The following IGLON5 variants were observed in gnomAD, a reference collection of about 807,000 sequenced individuals.
The protein encoded by IGLON5 is IgLON family member 5.
IGLON5 carries 16 observed loss-of-function variants against 38.2 expected under a neutral mutation model. The observed-to-expected ratio is 0.42, with a 90% CI of 0.28 to 0.64. The LOEUF (loss-of-function observed/expected upper bound fraction) is 0.64. Ranked by LOEUF, IGLON5 falls within the 30% of genes least tolerant of loss-of-function variation. The pLI, the probability that IGLON5 is intolerant of heterozygous loss-of-function variation, is 0.23. For missense variants in IGLON5, 366 were observed against 483.4 expected (o/e 0.76, Z 2.28); for synonymous variants, 207 against 216.4 (o/e 0.96, Z 0.38).
chr19:51,311,883 T>A lies in IGLON5; in HGVS notation c.36T>A (p.Leu12=). ...PPPAPGARLR[L]LAAAALAGLA... ...CTGCGCCCGGGGCCCGGCTCCGGCTTCTCGCCGCCGCCGCCCTGGCCGGCT... is the reference window on the plus strand; with the variant it reads ...CTGCGCCCGGGGCCCGGCTCCGGCTACTCGCCGCCGCCGCCCTGGCCGGCT... Residue 12 remains leucine, a synonymous_variant, in exon 1 of 8, where the codon CTT becomes CTA. Coordinates refer to ENST00000270642, the MANE Select transcript of IGLON5 (RefSeq NM_001101372.3). The A allele has an allele frequency of 1.5e-6, 2 of 1,355,664 alleles. No homozygotes were observed. The highest frequency in any genetic ancestry group is 1.9e-6 in the Non-Finnish European group (2 of 1,049,886). The allele number at this position is 1,355,664 out of a possible 1,614,324, so 84.0% of individuals were successfully genotyped here. A position where few individuals can be genotyped will look rare whatever the true frequency, so the allele number is the denominator to read the frequency against.
rs1054097112 is a variant in IGLON5 at position 51,329,723 on chromosome 19, G to A, written c.*964G>A. The A allele has an allele frequency of 1.3e-5, 2 of 152,304 alleles. No homozygotes were observed. Among genetic ancestry groups the A allele is most frequent in the African/African-American group, 4.8e-5 (2 of 41,394 alleles). 9.4% of individuals were successfully genotyped at this position (152,304 alleles called of 1,614,324 possible). The stretch of plus-strand genomic sequence containing the variant: ...GCAGCTGGCCCACAGGTGTGAGCTT[G>A]CTGGTCTATCACTTCCTGGCCTCTC... On this transcript the variant is annotated 3_prime_UTR_variant, in exon 8 of 8. Transcript: ENST00000270642. This position sits in a 1 kb window ranked among gnomAD's most constrained non-coding sequence, Gnocchi z 4.3.
At chr19:51,315,922 C>A (rs1984910243) in intron 1 of IGLON5, among the ~76,000 whole-genome samples, 1 of 151,988 alleles carries the variant, frequency 6.6e-6, no homozygotes, top group Non-Finnish European at 1.5e-5. Flanking sequence ...TCTCGATCTC[C>A]TGACCTCATG....
intron 1 of IGLON5, among the ~76,000 whole-genome samples, chr19:51,316,337 C>T (rs1355583479): frequency 2.1e-5 from 3 of 142,978 alleles, no homozygotes; most frequent in Non-Finnish European, 4.5e-5. Context: ...ACAGTGGTAC[C>T]CTGTCTCAAA....
At chr19:51,318,639 G>A (rs1984980719) in intron 1 of IGLON5, among the ~76,000 whole-genome samples, 1 of 152,186 alleles carries the variant, frequency 6.6e-6, no homozygotes, top group African/African-American at 2.4e-5. Context: ...GGAGGCTGAG[G>A]TGGGAGGATT....
chr19:51,315,592 T>C (rs11673679), intron 1 of IGLON5, among the ~76,000 whole-genome samples: 49,502 of 151,088 alleles, frequency 0.33, 9,984 homozygotes, highest in South Asian at 0.52. Flanking sequence ...GTAAAGAAGA[T>C]AAAAGTGACT....
intron 7 of IGLON5, 130 bp downstream of exon 7, chr19:51,328,016 A>G: frequency 1.0e-6 from 1 of 985,574 alleles, no homozygotes; most frequent in African/African-American, 1.7e-5. Flanking sequence ...ACTGAAAAGC[A>G]ATGCGAGTAA....
Position 51,325,199 on chromosome 19 carries a change from G to A in IGLON5, c.392-147G>A. The A allele has an allele frequency of 8.8e-7, 1 of 1,133,300 alleles. No individual in the cohort carries two copies. The highest frequency in any genetic ancestry group is 2.2e-5 in the Admixed American group (1 of 45,180). The allele number at this position is 1,133,300 out of a possible 1,614,324, so 70.2% of individuals were successfully genotyped here. A position where few individuals can be genotyped will look rare whatever the true frequency, so the allele number is the denominator to read the frequency against. On this transcript the variant is annotated intron_variant, in intron 3 of 7. Coordinates refer to ENST00000270642, the MANE Select transcript of IGLON5 (RefSeq NM_001101372.3). The surrounding 1 kb of genome is among the most constrained non-coding windows in gnomAD (Gnocchi z 5.5). ...AGGAACTGCGGGTCTGAACTCCCGG[G>A]TCTGAGGGAGGAGGGGCTGGGGGTC... is the stretch of plus-strand genomic sequence containing the variant.
chr19:51,319,845 G>A (rs922442847), intron 1 of IGLON5, among the ~76,000 whole-genome samples: 1 of 151,922 alleles, frequency 6.6e-6, no homozygotes, highest in Admixed American at 6.5e-5. Context: ...GAGAGGGTGG[G>A]ACTGTCTCCT....
rs991993612 is a variant in IGLON5, at chr19:51,326,918, G to A, written c.646+20G>A. On this transcript the variant is annotated intron_variant, in intron 5 of 7. Transcript: ENST00000270642. ...TCAACTGTGAGCCCCCCTGGCACTG[G>A]GCACGAAAGGGTGGCGGACCCCCGA... The A allele has an allele frequency of 1.9e-6, 3 of 1,570,678 alleles. No individual in the cohort carries two copies. Among genetic ancestry groups the A allele is most frequent in the South Asian group, 1.2e-5 (1 of 85,842 alleles).
At chr19:51,326,653 T>A in intron 4 of IGLON5, 111 bp from the exon 5 acceptor site, 1 of 197,818 alleles carries the variant, frequency 5.1e-6, no homozygotes, top group Non-Finnish European at 9.2e-6. Flanking sequence ...ACCCGGGCAC[T>A]CCAGGCCTTG....
chr19:51,312,187 G>A (rs974317220), intron 1 of IGLON5, among the ~76,000 whole-genome samples: 13 of 152,106 alleles, frequency 8.5e-5, no homozygotes, highest in African/African-American at 3.1e-4. Context: ...CTGCTTCCCC[G>A]AGCAGGCAAG....
chr19:51,316,498 C>CTTTTTTTTTTTTTTTTTTTTTTTTTTT (rs542147400), intron 1 of IGLON5, among the ~76,000 whole-genome samples: 1 of 136,098 alleles, frequency 7.3e-6, no homozygotes, highest in Non-Finnish European at 1.6e-5. Flanking sequence ...CTTTTCTTTT[C>CTTTTTTTTTTTTTTTTTTTTTTTTTTT]TTTTTTTTTT....
chr19:51,326,385 C>G (rs909605304), intron 4 of IGLON5, among the ~76,000 whole-genome samples: 13 of 152,210 alleles, frequency 8.5e-5, no homozygotes, highest in Non-Finnish European at 1.6e-4. Context: ...AACGAGGGAC[C>G]CTGCCCCACT....
intron 1 of IGLON5, among the ~76,000 whole-genome samples, chr19:51,313,787 A>G (rs1426389846): frequency 6.6e-6 from 1 of 151,144 alleles, no homozygotes; most frequent in African/African-American, 2.4e-5. Context: ...GTGCAAGCAT[A>G]CACAGCTCAC....
chr19:51,314,414 C>T (rs1309385225), intron 1 of IGLON5, among the ~76,000 whole-genome samples: 4 of 152,146 alleles, frequency 2.6e-5, no homozygotes, highest in Non-Finnish European at 5.9e-5. Context: ...GAACTCCTGA[C>T]CTCAGGTGAT....
Position 51,323,672 on chromosome 19 carries a change from G to T in IGLON5, c.169G>T (p.Asp57Tyr), listed in dbSNP as rs544236656. 6.2e-7 allele frequency: 1 copy of T among 1,607,984 alleles called. No homozygotes were observed. The highest frequency in any genetic ancestry group is 8.5e-7 in the Non-Finnish European group (1 of 1,175,056). The change falls in exon 3 of 8, where the codon GAC becomes TAC. Residue 57 changes from aspartate (D) to tyrosine (Y), a missense_variant. By Grantham distance (160) the Asp-to-Tyr change is radical. Transcript: ENST00000270642. ...TCATTCTCCCTGCAGCTGCTTCATC[G>T]ACGAGCACGTGACCCGCGTGGCCTG... ...GDNATLSCFI[D>Y]EHVTRVAWLN...
At chr19:51,328,054 T>C (rs1057478189) in intron 7 of IGLON5, among the ~76,000 whole-genome samples, 168 bp downstream of exon 7, 3 of 152,188 alleles carry the variant, frequency 2.0e-5, no homozygotes, top group African/African-American at 4.8e-5. Context: ...TCAATATTCA[T>C]TGAGTGCCAG....
chr19:51,320,515 C>A (rs948304041), intron 1 of IGLON5, among the ~76,000 whole-genome samples: 2 of 151,970 alleles, frequency 1.3e-5, no homozygotes, highest in Non-Finnish European at 2.9e-5. Flanking sequence ...CTGGTCCAGC[C>A]CGCTGGCCAC....
In IGLON5 at chr19:51,324,543, T is replaced by C. The variant is rs768970019; in HGVS notation, c.391+649T>C. ...GGGGGATCCTGGCAAGCTCCAACTC[T>C]GGAGCCAGACTGCCTGGGTTCCAAC... On this transcript the variant is annotated intron_variant, in intron 3 of 7. Coordinates refer to ENST00000270642, the MANE Select transcript of IGLON5 (RefSeq NM_001101372.3). The surrounding 1 kb of genome is among the most constrained non-coding windows in gnomAD (Gnocchi z 4.2). 1.3e-5 allele frequency among the ~76,000 whole-genome samples: 2 copies of C among 152,108 alleles called. No homozygotes were observed. The highest frequency in any genetic ancestry group is 2.9e-5 in the Non-Finnish European group (2 of 68,014).
Sources: allele counts gnomAD v4.1 joint callset (sites outside exome capture counted in the v4.1 genomes callset), GRCh38; gene constraint gnomAD v4.1.1; non-coding constraint Gnocchi (gnomAD v3.1); transcripts MANE v1.5; gene names NCBI Gene and HGNC (gene_info 2026-07-23, HGNC 2026-07-21).